Variants in SYNE1 observed in about 807,000 individuals in gnomAD.
The protein encoded by SYNE1 is nesprin-1.
In SYNE1, 616 loss-of-function variants were observed where a neutral mutation model predicts 1,111.0. The ratio of observed to expected loss-of-function variants is 0.55; its 90% CI spans 0.52 to 0.59. The LOEUF is 0.59. SYNE1 is among the 20% of genes least tolerant of loss of function. The probability of loss-of-function intolerance (pLI) is 0.00; values close to 1 mark genes in which losing one functional copy is unlikely to be tolerated. For synonymous variants in SYNE1, 3,855 were observed against 3,825.8 expected, an observed-to-expected ratio of 1.01 and a Z score of -0.28; for missense variants, 10,006 against 10,417.0, an observed-to-expected ratio of 0.96 and a Z score of 1.72.
At chr6:152,609,462 G>A (rs1246619954) in intron 3 of SYNE1, among the ~76,000 whole-genome samples, 3 of 152,282 alleles carry the variant, frequency 2.0e-5, no homozygotes, top group South Asian at 4.1e-4. Context: ...TAAACAAAGT[G>A]ACTGGGAAGT....
At chr6:152,309,527 T>A (rs1331878039) in intron 90 of SYNE1, among the ~76,000 whole-genome samples, 1 of 152,210 alleles carries the variant, frequency 6.6e-6, no homozygotes, top group Non-Finnish European at 1.5e-5. Flanking sequence ...AGTTTGTAGA[T>A]GATTCTCAGG....
chr6:152,139,612 G>A (rs2057949119), intron 140 of SYNE1, among the ~76,000 whole-genome samples: 2 of 141,024 alleles, frequency 1.4e-5, no homozygotes, highest in South Asian at 4.8e-4. Flanking sequence ...AGGGAGGGGG[G>A]AGAGAGGAAG....
intron 36 of SYNE1, among the ~76,000 whole-genome samples, chr6:152,429,901 C>G (rs1420581304): frequency 6.6e-6 from 1 of 152,122 alleles, no homozygotes; most frequent in African/African-American, 2.4e-5. Flanking sequence ...ATGAATACTC[C>G]TTTAATATAC....
chr6:152,582,505 T>C (rs979756960), intron 3 of SYNE1, among the ~76,000 whole-genome samples: 8 of 151,952 alleles, frequency 5.3e-5, no homozygotes, highest in Non-Finnish European at 1.0e-4. Flanking sequence ...ATATATTACA[T>C]ATTACATATA....
At chr6:152,524,053 C>T (rs1399561993) in intron 5 of SYNE1, among the ~76,000 whole-genome samples, 1 of 151,996 alleles carries the variant, frequency 6.6e-6, no homozygotes, top group African/African-American at 2.4e-5. Context: ...ATTTCCTTGC[C>T]TGATTGTTCT....
chr6:152,213,887 G>T, intron 122 of SYNE1, 128 bp from the exon 123 acceptor site: 1 of 1,351,884 alleles, frequency 7.4e-7, no homozygotes, highest in Non-Finnish European at 1.0e-6. Context: ...TTTCATGTCA[G>T]GTGGTAAAAT....
chr6:152,440,685 A>G (rs1278546925), intron 32 of SYNE1, among the ~76,000 whole-genome samples: 1 of 147,680 alleles, frequency 6.8e-6, no homozygotes, highest in East Asian at 2.1e-4. Flanking sequence ...CTCCTGCCTC[A>G]GCCTCCCGAG....
intron 3 of SYNE1, among the ~76,000 whole-genome samples, chr6:152,577,791 T>A (rs529189361): frequency 1.8e-4 from 27 of 147,776 alleles, no homozygotes; most frequent in Middle Eastern, 3.4e-3. Context: ...TTTTTTTTTT[T>A]AATTTAGATT....
chr6:152,379,270 G>A (rs956275744), intron 56 of SYNE1, among the ~76,000 whole-genome samples: 2 of 152,110 alleles, frequency 1.3e-5, no homozygotes, highest in African/African-American at 2.4e-5. Context: ...GTTCTAGAAT[G>A]CATCTTTCCA....
Position 152,567,885 on chromosome 6 carries a change from G to A in SYNE1, c.68-27864C>T, listed in dbSNP as rs1264386999. On this transcript the variant is annotated intron_variant, in intron 3 of 145. Coordinates refer to ENST00000367255, the MANE Select transcript of SYNE1 (RefSeq NM_182961.4). ...AAGGTGCATTAATTAAAGCAATGTG[G>A]TAACAGAGAAAGAACACACCATAGA... Among the ~76,000 whole-genome samples the A allele has an allele frequency of 1.3e-5, 2 of 152,060 alleles. 1 individual carries two copies. Among genetic ancestry groups the A allele is most frequent in the South Asian group, 4.1e-4 (2 of 4,826 alleles).
rs200001977 is a variant in SYNE1 at position 152,442,043 on chromosome 6, T to C, written c.4008+32A>G. 4.2e-5 allele frequency: 67 copies of C among 1,613,436 alleles called. No homozygotes were observed. The Admixed American group carries it at 9.8e-4, about 24-fold the overall frequency. On this transcript the variant is annotated intron_variant, in intron 31 of 145. Coordinates refer to ENST00000367255, the MANE Select transcript of SYNE1 (RefSeq NM_182961.4). ...CCGGAAGTGAACACTGCCCAGCCTC[T>C]GTTTAAATGGCCCCTAACTTCCGGC... is the stretch of plus-strand genomic sequence containing the variant.
At chr6:152,534,041 C>T (rs925908572) in intron 4 of SYNE1, among the ~76,000 whole-genome samples, 1 of 151,816 alleles carries the variant, frequency 6.6e-6, no homozygotes, top group Non-Finnish European at 1.5e-5. Flanking sequence ...CTCCTGTAAT[C>T]CCAGCTACTC....
chr6:152,180,478 C>G (rs919313602), intron 128 of SYNE1, among the ~76,000 whole-genome samples, 184 bp from the exon 129 acceptor site: 1 of 152,116 alleles, frequency 6.6e-6, no homozygotes, highest in Non-Finnish European at 1.5e-5. Context: ...CTAGTTCTTT[C>G]CTGAAGATTC....
intron 2 of SYNE1, among the ~76,000 whole-genome samples, chr6:152,629,553 G>GGGGGGGC: frequency 9.5e-6 from 1 of 105,764 alleles, no homozygotes; most frequent in Non-Finnish European, 2.1e-5. Context: ...GAGGGGAGGA[G>GGGGGGGC]GGGGTGCAGT....
chr6:152,375,502 A>C (rs1017015230), intron 58 of SYNE1, among the ~76,000 whole-genome samples: 4 of 152,208 alleles, frequency 2.6e-5, no homozygotes, highest in African/African-American at 9.7e-5. Context: ...ACGAAAAGCA[A>C]TTTCAATAAC....
At chr6:152,581,463 T>C (rs1332315841) in intron 3 of SYNE1, among the ~76,000 whole-genome samples, 2 of 152,200 alleles carry the variant, frequency 1.3e-5, no homozygotes, top group African/African-American at 2.4e-5. Context: ...CCTAAAAGGA[T>C]GATGTAGGGA....
At chr6:152,337,532 G>A (rs933223698) in intron 75 of SYNE1, among the ~76,000 whole-genome samples, 2 of 152,116 alleles carry the variant, frequency 1.3e-5, no homozygotes, top group Non-Finnish European at 2.9e-5. Context: ...CAGATAATAC[G>A]CCCGCCTTGG....
At chr6:152,305,522 G>A (rs112011783) in intron 91 of SYNE1, among the ~76,000 whole-genome samples, 10,533 of 152,122 alleles carry the variant, frequency 0.069, 1,182 homozygotes, top group African/African-American at 0.24. Context: ...CTTGGCCTCC[G>A]AAAAGTACTG....
At chr6:152,409,460 T>C in intron 43 of SYNE1, 99 bp downstream of exon 43, 1 of 1,491,066 alleles carries the variant, frequency 6.7e-7, no homozygotes. Context: ...ATTACCCACA[T>C]CTAAGTATAC....
Sources: gnomAD v4.1 joint callset for allele counts (sites outside exome capture counted in the v4.1 genomes callset) on GRCh38, gnomAD v4.1.1 for gene constraint, MANE v1.5 for transcripts, NCBI Gene and HGNC (gene_info 2026-07-23, HGNC 2026-07-21) for gene names.